LRRC7: variants seen among roughly 807,000 people sequenced by gnomAD.
The protein encoded by LRRC7 is leucine-rich repeat-containing protein 7.
In LRRC7, 23 loss-of-function variants were observed where a neutral mutation model predicts 175.7. The observed-to-expected ratio is 0.13, with a 90% CI of 0.09 to 0.19. LRRC7 has a LOEUF of 0.19. Among genes scored for constraint, LRRC7 ranks in the 10% least tolerant of loss-of-function variants. LRRC7 has a pLI of 1.00. For synonymous variants in LRRC7, 685 were observed against 680.9 expected (o/e 1.01, Z -0.09); for missense variants, 1,354 against 1,904.7 (o/e 0.71, Z 5.38).
chr1:69,855,422 G>A (rs139644427), intron 7 of LRRC7, among the ~76,000 whole-genome samples: 2,600 of 152,236 alleles, frequency 0.017, 84 homozygotes, highest in African/African-American at 0.059. Context: ...CAGTTTCCAT[G>A]TAGTTGAGCG....
intron 7 of LRRC7, among the ~76,000 whole-genome samples, chr1:69,881,029 T>C (rs1686548336): frequency 6.6e-6 from 1 of 152,236 alleles, no homozygotes; most frequent in African/African-American, 2.4e-5. Context: ...AAGATTTCCC[T>C]GGATCCCCAA....
At chr1:69,747,560 C>T (rs1174905358) in intron 2 of LRRC7, among the ~76,000 whole-genome samples, 1 of 152,018 alleles carries the variant, frequency 6.6e-6, no homozygotes, top group East Asian at 1.9e-4. Flanking sequence ...CAGCAGGACC[C>T]CATTATCTGA....
chr1:69,835,764 A>G (rs1376503996), intron 6 of LRRC7, among the ~76,000 whole-genome samples: 1 of 152,092 alleles, frequency 6.6e-6, no homozygotes, highest in Non-Finnish European at 1.5e-5. Flanking sequence ...GGAATCACAC[A>G]TCTGTCTAGG....
intron 1 of LRRC7, among the ~76,000 whole-genome samples, chr1:69,613,288 G>A (rs1649091718): frequency 1.3e-5 from 2 of 151,938 alleles, no homozygotes; most frequent in Admixed American, 1.3e-4. Context: ...GAAAGAACCA[G>A]CAAGCTCTCT....
intron 1 of LRRC7, among the ~76,000 whole-genome samples, chr1:69,656,166 G>A (rs933434452): frequency 3.3e-5 from 5 of 151,868 alleles, no homozygotes; most frequent in African/African-American, 1.2e-4. Context: ...GAAAAAAATA[G>A]TAAGAATTTT....
chr1:69,974,078 A>G (rs545331648), intron 8 of LRRC7, among the ~76,000 whole-genome samples: 19 of 152,204 alleles, frequency 1.2e-4, no homozygotes, highest in Non-Finnish European at 2.5e-4. Flanking sequence ...ATCAGTATAT[A>G]GCATAGTTTT....
At chr1:70,061,284 A>G (rs1406829372) in intron 23 of LRRC7, among the ~76,000 whole-genome samples, 1 of 152,162 alleles carries the variant, frequency 6.6e-6, no homozygotes, top group Non-Finnish European at 1.5e-5. Context: ...TCTCAATTCC[A>G]AACAGCTTTC....
intron 2 of LRRC7, among the ~76,000 whole-genome samples, chr1:69,696,481 A>T (rs1464113763): frequency 6.6e-6 from 1 of 152,148 alleles, no homozygotes; most frequent in Admixed American, 6.5e-5. Context: ...ATGATGCTGG[A>T]ATTAGTTAAG....
intron 2 of LRRC7, among the ~76,000 whole-genome samples, chr1:69,743,190 G>A (rs1668894816): frequency 6.6e-6 from 1 of 151,986 alleles, no homozygotes; most frequent in African/African-American, 2.4e-5. Context: ...TGTTAGTCAG[G>A]AATGAGCAGG....
intron 8 of LRRC7, among the ~76,000 whole-genome samples, chr1:69,968,859 C>T (rs543553507): frequency 1.7e-4 from 26 of 151,310 alleles, no homozygotes; most frequent in Non-Finnish European, 3.2e-4. Flanking sequence ...TGCTCTGTCT[C>T]CCAGGCTGGA....
At chr1:69,616,449 A>G (rs961163000) in intron 1 of LRRC7, among the ~76,000 whole-genome samples, 3 of 152,036 alleles carry the variant, frequency 2.0e-5, no homozygotes, top group African/African-American at 7.2e-5. Context: ...GCATAGTGAA[A>G]CCTTCAAGCT....
intron 1 of LRRC7, among the ~76,000 whole-genome samples, chr1:69,676,007 G>GCACACA (rs57846147): frequency 0.026 from 3,857 of 147,520 alleles, 112 homozygotes; most frequent in African/African-American, 0.071. Flanking sequence ...ATGAGTGCAT[G>GCACACA]CACACACACA....
chr1:69,919,358 T>C, intron 7 of LRRC7: 2 of 609,102 alleles, frequency 3.3e-6, no homozygotes, highest in Non-Finnish European at 5.9e-6. Context: ...GGAGGAAAGA[T>C]GGCGGACGAG....
At position 70,128,055 on chromosome 1, in the gene LRRC7, G is replaced by A. The variant is rs911020080; in HGVS notation, c.*6168G>A. ...TGGCTCACTGTAACTTCCACCTCCC[G>A]AGTTCAGGCAATTCTCATGTCTCAG... is the stretch of plus-strand genomic sequence containing the variant. On this transcript the variant is annotated 3_prime_UTR_variant, in exon 27 of 27. Coordinates refer to ENST00000651989, the MANE Select transcript of LRRC7 (RefSeq NM_001370785.2). Among the ~76,000 whole-genome samples, 15 of 151,918 alleles carry A rather than the reference G, an allele frequency of 9.9e-5. No individual in the cohort carries two copies. Among genetic ancestry groups the A allele is most frequent in the African/African-American group, 3.1e-4 (13 of 41,334 alleles).
chr1:70,124,417 G>A lies in LRRC7; in HGVS notation c.*2530G>A, dbSNP rs1457616703. On this transcript the variant is annotated 3_prime_UTR_variant, in exon 27 of 27. Transcript: ENST00000651989. ...GGCACCTATAATCCCAGCTATTTGGGAGGCTGAGGCATGAGAATCAATCGC... is the reference window on the plus strand; with the variant it reads ...GGCACCTATAATCCCAGCTATTTGGAAGGCTGAGGCATGAGAATCAATCGC... 2.6e-5 allele frequency among the ~76,000 whole-genome samples: 4 copies of A among 152,168 alleles called. No individual in the cohort carries two copies. The highest frequency in any genetic ancestry group is 9.7e-5 in the African/African-American group (4 of 41,446).
At position 70,102,303 on chromosome 1, in the gene LRRC7, C is replaced by A. The variant is rs28570245; in HGVS notation, c.4546-5449C>A. On this transcript the variant is annotated intron_variant, in intron 25 of 26. Transcript: ENST00000651989. The stretch of plus-strand genomic sequence containing the variant: ...GAAACCATAGATGAGGCAGGAGGAA[C>A]TTTCCAGCCCCTTCTCATCCCCTTC... Among the ~76,000 whole-genome samples, 627 of 152,332 alleles carry A rather than the reference C, an allele frequency of 4.1e-3. 4 individuals carry two copies. The highest frequency in any genetic ancestry group is 0.014 in the African/African-American group (564 of 41,588).
chr1:69,735,173 T>A (rs888084543), intron 2 of LRRC7, among the ~76,000 whole-genome samples: 2 of 152,024 alleles, frequency 1.3e-5, no homozygotes, highest in African/African-American at 4.8e-5. Flanking sequence ...TTATCAGGAT[T>A]AAGAAAATTT....
chr1:69,716,101 G>T, intron 2 of LRRC7: 3 of 409,148 alleles, frequency 7.3e-6, no homozygotes, highest in Non-Finnish European at 1.3e-5. Flanking sequence ...ATTTATAATT[G>T]CAGTTAATTG....
intron 2 of LRRC7, among the ~76,000 whole-genome samples, chr1:69,681,285 A>C (rs557564427): frequency 2.9e-4 from 44 of 152,292 alleles, no homozygotes; most frequent in African/African-American, 9.4e-4. Flanking sequence ...AAACTATCAT[A>C]GAAAGTCAAA....
Sources: allele counts gnomAD v4.1 joint callset (sites outside exome capture counted in the v4.1 genomes callset), GRCh38; gene constraint gnomAD v4.1.1; transcripts MANE v1.5; gene names NCBI Gene and HGNC (gene_info 2026-07-23, HGNC 2026-07-21).